Variants in FGF13 observed in about 807,000 individuals in gnomAD.
FGF13 encodes the protein fibroblast growth factor homologous factor 2.
Under a neutral mutation model 19.5 loss-of-function variants are expected in FGF13, and 2 were observed. The observed-to-expected ratio is 0.10, with a 90% CI of 0.04 to 0.32. The LOEUF (loss-of-function observed/expected upper bound fraction) is 0.32. Among genes scored for constraint, FGF13 ranks in the 10% least tolerant of loss-of-function variants. The pLI is 1.00. For synonymous variants in FGF13, 72 were observed against 76.9 expected (o/e 0.94, Z 0.33); for missense variants, 113 against 192.7 (o/e 0.59, Z 2.45).
intron 1 of FGF13, among the ~76,000 whole-genome samples, chrX:139,130,709 T>C (rs1271314039): frequency 8.9e-6 from 1 of 111,902 alleles, no homozygotes; most frequent in Non-Finnish European, 1.9e-5. Context: ...AGTCCTATTT[T>C]TGTCATCTGT....
intron 1 of FGF13, among the ~76,000 whole-genome samples, chrX:139,031,712 C>CA (rs373666313): frequency 0.13 from 9,324 of 74,360 alleles, 401 homozygotes; most frequent in South Asian, 0.23. Context: ...AGATCGGGGT[C>CA]AAAAAAAAAA....
intron 1 of FGF13, among the ~76,000 whole-genome samples, chrX:139,194,748 T>C (rs2148279866): frequency 9.0e-6 from 1 of 111,506 alleles, no homozygotes; most frequent in Non-Finnish European, 1.9e-5. Flanking sequence ...TTAACGCTGC[T>C]TCCCCACAGG....
intron 1 of FGF13, among the ~76,000 whole-genome samples, chrX:139,171,599 CCTGTAGTA>C (rs2084133482): frequency 9.0e-6 from 1 of 111,474 alleles, no homozygotes; most frequent in South Asian, 3.8e-4. Flanking sequence ...CTCCCTACCT[CCTGTAGTA>C]ATGACTTTCA....
chrX:138,752,944 AT>A, intron 3 of FGF13, among the ~76,000 whole-genome samples: 1 of 112,393 alleles, frequency 8.9e-6, no homozygotes, highest in South Asian at 3.7e-4. Flanking sequence ...TTGATGATGA[AT>A]TTTTTATAGT....
chrX:139,011,451 C>T (rs1023450412), intron 1 of FGF13, among the ~76,000 whole-genome samples: 2 of 109,902 alleles, frequency 1.8e-5, no homozygotes, highest in Non-Finnish European at 3.8e-5. Context: ...AAAATACTAG[C>T]AAACCTAATA....
At chrX:139,116,511 T>G (rs1346966040) in intron 1 of FGF13, among the ~76,000 whole-genome samples, 1 of 111,744 alleles carries the variant, frequency 8.9e-6, no homozygotes, top group East Asian at 2.8e-4. Context: ...AATATTGTTT[T>G]GGCATTTTTT....
At chrX:138,798,019 T>C (rs969027749) in intron 3 of FGF13, among the ~76,000 whole-genome samples, 1 of 111,928 alleles carries the variant, frequency 8.9e-6, no homozygotes, top group African/African-American at 3.3e-5. Flanking sequence ...TAGAGACAAT[T>C]TGACTTCCTG....
intron 1 of FGF13, among the ~76,000 whole-genome samples, chrX:139,184,970 T>C (rs1254777333): frequency 8.9e-6 from 1 of 111,821 alleles, no homozygotes; most frequent in Admixed American, 9.5e-5. Flanking sequence ...AGGACTCTCA[T>C]TTTAGCCTCA....
intron 1 of FGF13, among the ~76,000 whole-genome samples, chrX:138,982,315 AT>A (rs772984538): frequency 1.8e-5 from 2 of 110,861 alleles, no homozygotes; most frequent in South Asian, 3.8e-4. Flanking sequence ...ATTATACTGT[AT>A]TTTTTTTCTC....
At chrX:138,715,288 CCT>C (rs2090091213), upstream of FGF13, among the ~76,000 whole-genome samples, 1 of 112,118 alleles carries the variant, frequency 8.9e-6, no homozygotes, top group African/African-American at 3.2e-5. Flanking sequence ...GGCTGTGTGA[CCT>C]TGAGTATGTC....
chrX:138,869,670 C>T (rs1372717953), intron 1 of FGF13, among the ~76,000 whole-genome samples: 1 of 112,379 alleles, frequency 8.9e-6, no homozygotes, highest in Non-Finnish European at 1.9e-5. Flanking sequence ...ATTTGTCCTC[C>T]TTAGATACTT....
chrX:138,714,372 G>C (rs781107823), upstream of FGF13: 1 of 112,427 alleles, frequency 8.9e-6, no homozygotes, highest in Non-Finnish European at 1.9e-5. Flanking sequence ...TTGGCCAGGC[G>C]TAGTGCCTCA....
At chrX:138,768,123 A>G (rs1228123787) in intron 3 of FGF13, among the ~76,000 whole-genome samples, 5 of 112,290 alleles carry the variant, frequency 4.5e-5, no homozygotes, top group African/African-American at 1.6e-4. Flanking sequence ...GCATCATGAA[A>G]GTCAGCCATC....
intron 1 of FGF13, among the ~76,000 whole-genome samples, chrX:138,884,535 G>C (rs978285123): frequency 8.9e-6 from 1 of 112,259 alleles, no homozygotes; most frequent in Non-Finnish European, 1.9e-5. Flanking sequence ...TTGTTACTTG[G>C]TATTATTGAG....
chrX:139,009,434 A>C (rs746837271), intron 1 of FGF13, among the ~76,000 whole-genome samples: 2 of 112,098 alleles, frequency 1.8e-5, no homozygotes, highest in African/African-American at 3.2e-5. Context: ...AGAAAAACTT[A>C]TCAGATGAAC....
chrX:138,933,895 G>C (rs1184544218), intron 1 of FGF13, among the ~76,000 whole-genome samples: 2 of 111,793 alleles, frequency 1.8e-5, no homozygotes, highest in African/African-American at 3.2e-5. Context: ...CTTTCGATTT[G>C]CAGAACCAGC....
chrX:138,914,683 A>G (rs2124232447), intron 1 of FGF13, among the ~76,000 whole-genome samples: 1 of 107,466 alleles, frequency 9.3e-6, no homozygotes, highest in Non-Finnish European at 1.9e-5. Flanking sequence ...TATAAGAAAT[A>G]AGGAAAAATA....
chrX:138,971,306 C>T (rs1230995233), intron 1 of FGF13, among the ~76,000 whole-genome samples: 3 of 112,095 alleles, frequency 2.7e-5, no homozygotes, highest in African/African-American at 9.7e-5. Context: ...TATAATGTTA[C>T]ATGTAAAGCA....
In FGF13 at chrX:138,909,657, C is replaced by T. The variant is rs140391516; in HGVS notation, c.-112-45007G>A. On this transcript the variant is annotated intron_variant, in intron 1 of 2. Coordinates refer to the FGF13 transcript ENST00000421460. ...CACAGTGAGTGTGGTCAAAGAGCAG[C>T]GGGATTACTAATTAGTGTGTACAAC... Among the ~76,000 whole-genome samples the T allele has an allele frequency of 3.2e-4, 36 of 111,695 alleles. No homozygotes were observed. The Middle Eastern group carries it at 0.014, about 43-fold the overall frequency.
Sources: allele counts gnomAD v4.1 joint callset (sites outside exome capture counted in the v4.1 genomes callset), GRCh38; gene constraint gnomAD v4.1.1; transcripts MANE v1.5; gene names NCBI Gene and HGNC (gene_info 2026-07-23, HGNC 2026-07-21).